Variants in AIG1 observed in about 807,000 individuals in gnomAD.
AIG1 encodes the protein androgen-induced gene 1 protein.
AIG1 carries 23 observed loss-of-function variants against 31.4 expected under a neutral mutation model. The observed-to-expected ratio is 0.73, with a 90% CI of 0.53 to 1.04. The LOEUF is 1.04. Among genes scored for constraint, AIG1 ranks in the 50% least tolerant of loss-of-function variants. The pLI, the probability that AIG1 is intolerant of heterozygous loss-of-function variation, is 0.00. For synonymous variants in AIG1, 100 were observed against 110.5 expected, an observed-to-expected ratio of 0.90 and a Z score of 0.60; for missense variants, 274 against 295.0, an observed-to-expected ratio of 0.93 and a Z score of 0.52.
At chr6:143,213,187 A>G (rs895174072) in intron 3 of AIG1, among the ~76,000 whole-genome samples, 3 of 152,228 alleles carry the variant, frequency 2.0e-5, no homozygotes. Flanking sequence ...CATTTAAAAT[A>G]TAATTGTATG....
intron 3 of AIG1, among the ~76,000 whole-genome samples, chr6:143,225,837 A>G (rs769638319): frequency 1.3e-5 from 2 of 152,178 alleles, no homozygotes; most frequent in African/African-American, 2.4e-5. Flanking sequence ...TTCTGTTTCA[A>G]TTTTAGAGGC....
chr6:143,085,233 A>C (rs1778654378), intron 1 of AIG1, among the ~76,000 whole-genome samples: 1 of 151,988 alleles, frequency 6.6e-6, no homozygotes, highest in South Asian at 2.1e-4. Flanking sequence ...CCTTGTGGAG[A>C]ACGTTTCCCA....
intron 3 of AIG1, among the ~76,000 whole-genome samples, chr6:143,228,356 G>A (rs1016956108): frequency 3.3e-5 from 5 of 152,204 alleles, no homozygotes; most frequent in Non-Finnish European, 5.9e-5. Flanking sequence ...GTCAGTTGTG[G>A]CCAAGGCGAA....
In AIG1 at chr6:143,285,023, G is replaced by A. The variant is rs747789737; in HGVS notation, c.515+798G>A. ...GCCTCTTGGGACTCTTTTGTCCTGA[G>A]TTCTGGTTCACCATCCCCTCCTTTA... is the stretch of plus-strand genomic sequence containing the variant. On this transcript the variant is annotated intron_variant, in intron 4 of 5. Transcript: ENST00000357847. Among the ~76,000 whole-genome samples, 10 of 152,042 alleles carry A rather than the reference G, an allele frequency of 6.6e-5. 1 individual carries two copies. Among genetic ancestry groups the A allele is most frequent in the Non-Finnish European group, 1.2e-4 (8 of 68,004 alleles).
At chr6:143,143,548 T>TATATATATATATATATATATAC (rs1357963834) in intron 2 of AIG1, among the ~76,000 whole-genome samples, 18 of 115,058 alleles carry the variant, frequency 1.6e-4, no homozygotes, top group African/African-American at 6.3e-4. Flanking sequence ...TATATATATA[T>TATATATATATATATATATATAC]ATATATACAC....
chr6:143,287,007 G>A (rs571324902), intron 4 of AIG1, among the ~76,000 whole-genome samples: 2 of 151,458 alleles, frequency 1.3e-5, no homozygotes, highest in African/African-American at 4.9e-5. Context: ...AGGCCATCCC[G>A]GTCTCCTTCC....
rs550431360 is a variant in AIG1, at chr6:143,308,322, C to T, written c.515+24097C>T. 7.9e-5 allele frequency among the ~76,000 whole-genome samples: 12 copies of T among 152,306 alleles called. No individual in the cohort carries two copies. In the East Asian group the frequency reaches 1.2e-3, roughly 15 times the overall value. On this transcript the variant is annotated intron_variant, in intron 4 of 5. Transcript: ENST00000357847. ...ATCGCTCACGCTGGGAGCTGTAGAC[C>T]GGAGCTGTTCCTGTTCGGCCATCTT...
At chr6:143,324,056 A>T (rs1432016256) in intron 4 of AIG1, among the ~76,000 whole-genome samples, 1 of 152,168 alleles carries the variant, frequency 6.6e-6, no homozygotes, top group Non-Finnish European at 1.5e-5. Flanking sequence ...GGCTCACAGA[A>T]ACCTACTGGG....
chr6:143,151,953 C>G (rs1434218972), intron 2 of AIG1, among the ~76,000 whole-genome samples: 2 of 152,216 alleles, frequency 1.3e-5, no homozygotes, highest in Admixed American at 6.5e-5. Context: ...CCAGAGAACC[C>G]TGTCCTGTCT....
intron 1 of AIG1, among the ~76,000 whole-genome samples, chr6:143,079,779 CTTTTTTTTTTT>C (rs78637706): frequency 9.3e-6 from 1 of 106,972 alleles, no homozygotes; most frequent in East Asian, 3.1e-4. Context: ...GGATAGATTC[CTTTTTTTTTTT>C]TTTTTTTTTT....
intron 1 of AIG1, among the ~76,000 whole-genome samples, chr6:143,080,905 G>C (rs1778188794): frequency 6.6e-6 from 1 of 152,104 alleles, no homozygotes. Flanking sequence ...TAAAGGGGAA[G>C]GGACTTGACT....
At chr6:143,218,561 T>C (rs1792212104) in intron 3 of AIG1, among the ~76,000 whole-genome samples, 1 of 152,248 alleles carries the variant, frequency 6.6e-6, no homozygotes, top group African/African-American at 2.4e-5. Context: ...TACAAATCTT[T>C]AGATTTCTTG....
At chr6:143,170,803 T>C (rs1023198298) in intron 3 of AIG1, among the ~76,000 whole-genome samples, 3 of 151,922 alleles carry the variant, frequency 2.0e-5, no homozygotes, top group Admixed American at 1.3e-4. Flanking sequence ...TGAAATCTGA[T>C]TTCTCAGAAA....
At chr6:143,209,180 G>A (rs1004019402) in intron 3 of AIG1, among the ~76,000 whole-genome samples, 5 of 152,210 alleles carry the variant, frequency 3.3e-5, no homozygotes, top group Non-Finnish European at 4.4e-5. Flanking sequence ...AGAAGCAAAT[G>A]TATATCGTTG....
rs562271303 is a variant in AIG1 at position 143,338,825 on chromosome 6, C to G, written c.680-814C>G. The G allele has an allele frequency of 6.6e-6, 1 of 152,108 alleles. No homozygotes were observed. The highest frequency in any genetic ancestry group is 2.1e-4 in the South Asian group (1 of 4,824). 9.4% of individuals were successfully genotyped at this position (152,108 alleles called of 1,614,324 possible). A position where few individuals can be genotyped will look rare whatever the true frequency, so the allele number is the denominator to read the frequency against. On this transcript the variant is annotated intron_variant, in intron 5 of 5. Transcript: ENST00000357847. The surrounding 1 kb of genome is among the most constrained non-coding windows in gnomAD (Gnocchi z 4.3). ...AGTGGTATTTTAAGTTATTTTGTTT[C>G]ATTTTTGCTATTGAAACAAAGAAAC...
intron 1 of AIG1, among the ~76,000 whole-genome samples, chr6:143,084,339 C>T (rs558439759): frequency 9.9e-5 from 15 of 152,256 alleles, no homozygotes; most frequent in Admixed American, 3.9e-4. Context: ...TATTTCTATT[C>T]GGACAATCTT....
chr6:143,129,339 G>A (rs950449620), intron 1 of AIG1, among the ~76,000 whole-genome samples: 1 of 152,064 alleles, frequency 6.6e-6, no homozygotes, highest in Non-Finnish European at 1.5e-5. Flanking sequence ...TCATTTTGTA[G>A]TACCTCCTTT....
chr6:143,086,435 C>A (rs1437017670), intron 1 of AIG1, among the ~76,000 whole-genome samples: 1 of 152,102 alleles, frequency 6.6e-6, no homozygotes. Flanking sequence ...TTACTCAATT[C>A]ACTTTCATCC....
Position 143,199,704 on chromosome 6 carries a change from T to C in AIG1, c.399+34521T>C, listed in dbSNP as rs189467434. On this transcript the variant is annotated intron_variant, in intron 3 of 5. Transcript: ENST00000357847. ...GTCAACTAAGCAAGATTTTGGTGAG[T>C]GGCCGCTTCATCCAGTGATAGAAGG... Among the ~76,000 whole-genome samples the C allele has an allele frequency of 1.8e-3, 277 of 152,280 alleles. 7 individuals are homozygous for C. The highest frequency in any genetic ancestry group is 5.4e-4 in the Non-Finnish European group (37 of 68,022).
Sources: allele counts gnomAD v4.1 joint callset (sites outside exome capture counted in the v4.1 genomes callset), GRCh38; gene constraint gnomAD v4.1.1; non-coding constraint Gnocchi (gnomAD v3.1); transcripts MANE v1.5; gene names NCBI Gene and HGNC (gene_info 2026-07-23, HGNC 2026-07-21).